The following GGT7 variants were observed in gnomAD, a reference collection of about 807,000 sequenced individuals.
GGT7 encodes the protein glutathione hydrolase 7.
GGT7 carries 30 observed loss-of-function variants against 69.2 expected under a neutral mutation model. The observed-to-expected ratio is 0.43, with a 90% CI of 0.32 to 0.59. The LOEUF (loss-of-function observed/expected upper bound fraction) is 0.59, where lower values mean the gene tolerates loss of function less well. Among genes scored for constraint, GGT7 ranks in the 20% least tolerant of loss-of-function variants. The probability of loss-of-function intolerance (pLI) is 0.05; values close to 1 mark genes in which losing one functional copy is unlikely to be tolerated. For synonymous variants in GGT7, 388 were observed against 391.8 expected, an observed-to-expected ratio of 0.99 and a Z score of 0.12; for missense variants, 733 against 901.1, an observed-to-expected ratio of 0.81 and a Z score of 2.39.
At chr20:34,865,219 G>A (rs1016589647) in intron 1 of GGT7, among the ~76,000 whole-genome samples, 8 of 152,188 alleles carry the variant, frequency 5.3e-5, no homozygotes, top group African/African-American at 1.2e-4. Flanking sequence ...CCCAGCTGGA[G>A]TGCAGTGGCA....
chr20:34,854,986 C>G, intron 8 of GGT7, 63 bp from the exon 9 acceptor site: 1 of 1,533,548 alleles, frequency 6.5e-7, no homozygotes, highest in Non-Finnish European at 9.0e-7. Flanking sequence ...ATCCCACATC[C>G]CATCTCCACA....
Position 34,845,146 on chromosome 20 carries a change from CA to C in GGT7, c.*181del. 7 of 549,452 alleles carry C rather than the reference CA, an allele frequency of 1.3e-5. No homozygotes were observed. Among genetic ancestry groups the C allele is most frequent in the Non-Finnish European group, 1.9e-5 (6 of 308,668 alleles). 34.0% of individuals were successfully genotyped at this position (549,452 alleles called of 1,614,324 possible). A position where few individuals can be genotyped will look rare whatever the true frequency, so the allele number is the denominator to read the frequency against. On this transcript the variant is annotated 3_prime_UTR_variant, in exon 15 of 15. Transcript: ENST00000336431. ...CCACCACCACCACCACCACCACCAC[CA>C]CCACCACAGGCCTCCTGATGGAGAA...
Position 34,863,198 on chromosome 20 carries a change from C to T in GGT7, c.405+115G>A. 1 of 877,124 alleles carries T rather than the reference C, an allele frequency of 1.1e-6. No homozygotes were observed. Among genetic ancestry groups the T allele is most frequent in the Non-Finnish European group, 1.8e-6 (1 of 558,992 alleles). The allele number at this position is 877,124 out of a possible 1,614,324, so 54.3% of individuals were successfully genotyped here. Reference sequence around the variant, plus strand: ...TCTTTGGGACCTTCCTCTCCCAAGTCACCACCCTCTCTCCCCTTCTACCAC... The same window carrying T: ...TCTTTGGGACCTTCCTCTCCCAAGTTACCACCCTCTCTCCCCTTCTACCAC... On this transcript the variant is annotated intron_variant, in intron 2 of 14. Coordinates refer to ENST00000336431, the MANE Select transcript of GGT7 (RefSeq NM_178026.3). The surrounding 1 kb of genome is among the most constrained non-coding windows in gnomAD (Gnocchi z 4.4).
chr20:34,872,385 A>T (rs1196731696), intron 1 of GGT7: 2 of 342,416 alleles, frequency 5.8e-6, no homozygotes, highest in East Asian at 8.8e-5. Flanking sequence ...CTTCATCGTT[A>T]GTTGGTTCTT....
intron 1 of GGT7, among the ~76,000 whole-genome samples, chr20:34,868,444 T>C (rs2079728573): frequency 6.6e-6 from 1 of 152,238 alleles, no homozygotes; most frequent in African/African-American, 2.4e-5. Context: ...GGGAGAAAGA[T>C]GACAAGTTCA....
In GGT7 at chr20:34,854,845, T is replaced by C. The variant is rs141899095; in HGVS notation, c.1181A>G (p.Asn394Ser). 1.1e-3 allele frequency: 1,771 copies of C among 1,614,112 alleles called. 1 individual carries two copies. The highest frequency in any genetic ancestry group is 1.3e-3 in the Non-Finnish European group (1,571 of 1,179,986). Residue 394 changes from asparagine to serine, a missense_variant, in exon 9 of 15, where the codon AAT (asparagine) becomes AGT (serine). Asn to Ser is a conservative substitution (Grantham distance 46). Coordinates refer to ENST00000336431, the MANE Select transcript of GGT7 (RefSeq NM_178026.3). ...TTCTCGGGATACCAGGCTGGTGAGA[T>C]TGAAGCCCTCCAGGATGTTGAGAGC... The part of the protein sequence containing the change: ...ISALNILEGF[N>S]LTSLVSREQA...
chr20:34,855,814 T>TGTGTGTGTGTGA (rs56219337), intron 8 of GGT7, among the ~76,000 whole-genome samples: 2,434 of 144,488 alleles, frequency 0.017, 32 homozygotes, highest in Middle Eastern at 0.042. Context: ...TGTGTGTGTG[T>TGTGTGTGTGTGA]GATAATGGTC....
chr20:34,852,228 C>T lies in GGT7; in HGVS notation c.1514G>A (p.Gly505Glu). 1 of 1,614,086 alleles carries T rather than the reference C, an allele frequency of 6.2e-7. No individual in the cohort carries two copies. The highest frequency in any genetic ancestry group is 8.5e-7 in the Non-Finnish European group (1 of 1,179,940). Reference sequence around the variant, plus strand: ...CAGCATCTGGCTGTTGAGCAGGATCCCCGAGGGGGTGATAAGGCCGCTGCC... The same window carrying T: ...CAGCATCTGGCTGTTGAGCAGGATCTCCGAGGGGGTGATAAGGCCGCTGCC... ...PFGSGLITPSGILLNSQMLDF... is the reference protein window; with the variant it reads ...PFGSGLITPSEILLNSQMLDF... The change falls in exon 12 of 15, where the codon GGG (glycine) becomes GAG (glutamate). Residue 505 changes from glycine to glutamate, a missense_variant. Physicochemically the swap from Gly to Glu is moderately conservative, Grantham distance 98 (BLOSUM62 -2). Transcript: ENST00000336431.
intron 1 of GGT7, among the ~76,000 whole-genome samples, chr20:34,871,849 G>T (rs561450805): frequency 1.6e-4 from 25 of 152,314 alleles, no homozygotes; most frequent in Middle Eastern, 3.4e-3. Flanking sequence ...CACATGGCTA[G>T]GAGGAAGAGC....
chr20:34,854,829 T>C lies in GGT7; in HGVS notation c.1197A>G (p.Val399=), dbSNP rs762362866. The C allele has an allele frequency of 4.8e-5, 78 of 1,613,960 alleles. 1 individual carries two copies. In the Admixed American group the frequency reaches 1.2e-3, roughly 24 times the overall value. Residue 399 remains valine, a synonymous_variant, in exon 9 of 15, where the codon GTA becomes GTG. Transcript: ENST00000336431. ...CCCAGTGAAGAGCCTGTTCTCGGGA[T>C]ACCAGGCTGGTGAGATTGAAGCCCT... ...ILEGFNLTSL[V]SREQALHWVA... is the part of the protein sequence containing the mutation.
At chr20:34,864,354 G>GA (rs999043514) in intron 1 of GGT7, among the ~76,000 whole-genome samples, 8 of 151,106 alleles carry the variant, frequency 5.3e-5, no homozygotes, top group South Asian at 4.2e-4. Flanking sequence ...TGGCACATTA[G>GA]AAAAAAAAAT....
At chr20:34,854,961 T>G (rs1157150037) in intron 8 of GGT7, 38 bp from the exon 9 acceptor site, 1 of 1,604,388 alleles carries the variant, frequency 6.2e-7, no homozygotes, top group Admixed American at 1.7e-5. Context: ...AGGGTAGGGG[T>G]CAAGGCACCT....
chr20:34,857,970 G>A (rs998876404), intron 7 of GGT7, among the ~76,000 whole-genome samples: 1 of 152,090 alleles, frequency 6.6e-6, no homozygotes, highest in East Asian at 1.9e-4. Flanking sequence ...TCAACTTTGG[G>A]TTTCTTTTTA....
Position 34,854,943 on chromosome 20 carries a change from C to G in GGT7, c.1103-20G>C. 1 of 1,612,004 alleles carries G rather than the reference C, an allele frequency of 6.2e-7. No individual in the cohort carries two copies. Among genetic ancestry groups the G allele is most frequent in the Non-Finnish European group, 8.5e-7 (1 of 1,179,044 alleles). On this transcript the variant is annotated intron_variant, in intron 8 of 14. Transcript: ENST00000336431. Reference sequence around the variant, plus strand: ...GGTGGCCTGAAAGGACAGGAAGTGACTGATGGCAGGGTAGGGGTCAAGGCA... The same window carrying G: ...GGTGGCCTGAAAGGACAGGAAGTGAGTGATGGCAGGGTAGGGGTCAAGGCA...
At chr20:34,855,814 T>TGTGTGTGTGTGTGTGTGAGA (rs56219337) in intron 8 of GGT7, among the ~76,000 whole-genome samples, 1 of 144,518 alleles carries the variant, frequency 6.9e-6, no homozygotes, top group African/African-American at 2.7e-5. Context: ...TGTGTGTGTG[T>TGTGTGTGTGTGTGTGTGAGA]GATAATGGTC....
chr20:34,861,469 G>A lies in GGT7; in HGVS notation c.651C>T (p.Thr217=), dbSNP rs757185462. The A allele has an allele frequency of 3.8e-6, 6 of 1,560,960 alleles. No individual in the cohort carries two copies. In the Admixed American group the frequency reaches 1.1e-4, roughly 28 times the overall value. ...CCTTGGTCTCCCAGGATCTTTGCAG[G>A]GTCTCTTCCCTGAGGGCCCCTGGTG... The part of the protein sequence containing the change: ...ESAPGALREE[T]LQRSWETKPG... The change falls in exon 4 of 15, where the codon ACC becomes ACT. Residue 217 remains threonine, a synonymous_variant. Transcript: ENST00000336431.
chr20:34,845,266 G>T lies in GGT7; in HGVS notation c.*62C>A, dbSNP rs1343217569. ...GGTCCCCCTGAGACCAAACCTGGGA[G>T]AAGGAGGGACTCTGGGAACATGCAA... On this transcript the variant is annotated 3_prime_UTR_variant, in exon 15 of 15. Coordinates refer to ENST00000336431, the MANE Select transcript of GGT7 (RefSeq NM_178026.3). 4 of 1,500,802 alleles carry T rather than the reference G, an allele frequency of 2.7e-6. 1 individual carries two copies. Among genetic ancestry groups the T allele is most frequent in the Non-Finnish European group, 3.6e-6 (4 of 1,105,080 alleles). The allele number at this position is 1,500,802 out of a possible 1,614,324, so 93.0% of individuals were successfully genotyped here.
In GGT7 at chr20:34,863,560, C is replaced by T. The variant is rs1227307767; in HGVS notation, c.170-12G>A. 1 of 1,540,652 alleles carries T rather than the reference C, an allele frequency of 6.5e-7. No homozygotes were observed. The highest frequency in any genetic ancestry group is 8.8e-7 in the Non-Finnish European group (1 of 1,136,644). On this transcript the variant is annotated splice_polypyrimidine_tract_variant and intron_variant, in intron 1 of 14. Coordinates refer to ENST00000336431, the MANE Select transcript of GGT7 (RefSeq NM_178026.3). The surrounding 1 kb of genome is among the most constrained non-coding windows in gnomAD (Gnocchi z 4.4). ...GAAGGAGTCCGGGTCTGCGGGCAGG[C>T]AGCCGGGGTCGGTCTGGGCATCTCC...
At chr20:34,870,882 C>T (rs1044222352) in intron 1 of GGT7, among the ~76,000 whole-genome samples, 1 of 151,992 alleles carries the variant, frequency 6.6e-6, no homozygotes, top group Admixed American at 6.6e-5. Flanking sequence ...ACCTCTGCCT[C>T]CCCAGTTCGA....
Sources: gnomAD v4.1 joint callset for allele counts (sites outside exome capture counted in the v4.1 genomes callset) on GRCh38, gnomAD v4.1.1 for gene constraint, Gnocchi (gnomAD v3.1) non-coding constraint, MANE v1.5 for transcripts, NCBI Gene and HGNC (gene_info 2026-07-23, HGNC 2026-07-21) for gene names.